Variants in NEMP2 observed in about 807,000 individuals in gnomAD.
The protein encoded by NEMP2 is UPF0571 transmembrane protein.
In NEMP2, 53 loss-of-function variants were observed where a neutral mutation model predicts 54.2. That is an observed-to-expected ratio of 0.98 (90% confidence interval 0.78 to 1.23). The LOEUF (loss-of-function observed/expected upper bound fraction) is 1.23. Ranked by LOEUF, NEMP2 falls within the 50% of genes most tolerant of loss-of-function variation. NEMP2 has a pLI of 0.00. For synonymous variants in NEMP2, 197 were observed against 190.3 expected (o/e 1.04, Z -0.29); for missense variants, 455 against 511.3 (o/e 0.89, Z 1.06).
chr2:190,488,005 C>T, the NEMP2 span, among the ~76,000 whole-genome samples: 21 of 152,112 alleles, frequency 1.4e-4, no homozygotes, highest in African/African-American at 3.9e-4. This position sits in a 1 kb window ranked among gnomAD's most constrained non-coding sequence, Gnocchi z 6.4. Flanking sequence ...TGGGTTCAAA[C>T]GATTCCACTG....
the NEMP2 span, among the ~76,000 whole-genome samples, chr2:190,428,259 G>T: frequency 9.9e-5 from 15 of 152,174 alleles, 1 homozygote; most frequent in Admixed American, 9.8e-4. Context: ...TAGACAGGTT[G>T]CTCCCAGTTT....
the NEMP2 span, among the ~76,000 whole-genome samples, chr2:190,572,833 G>GTGTATGTA: frequency 6.3e-5 from 3 of 47,862 alleles, no homozygotes; most frequent in African/African-American, 2.6e-4. Flanking sequence ...CTTTTCATGA[G>GTGTATGTA]TATATATATA....
At chr2:190,621,123 A>G in the NEMP2 span, among the ~76,000 whole-genome samples, 4 of 152,394 alleles carry the variant, frequency 2.6e-5, no homozygotes, top group East Asian at 3.8e-4. Flanking sequence ...ACATATAGTC[A>G]TAAGTTGTTT....
the NEMP2 span, among the ~76,000 whole-genome samples, chr2:190,454,932 GTATGTA>G: frequency 0.098 from 13,018 of 132,794 alleles, 709 homozygotes; most frequent in African/African-American, 0.14. The surrounding 1 kb of genome is among the most constrained non-coding windows in gnomAD (Gnocchi z 4.6). Context: ...CCTGGTTTCT[GTATGTA>G]TATGTATATG....
chr2:190,626,381 T>C, the NEMP2 span: 7 of 151,994 alleles, frequency 4.6e-5, no homozygotes, highest in African/African-American at 1.7e-4. This position sits in a 1 kb window ranked among gnomAD's most constrained non-coding sequence, Gnocchi z 4.5. Flanking sequence ...GAATAACAAA[T>C]GGAATGAAAC....
the NEMP2 span, among the ~76,000 whole-genome samples, chr2:190,604,230 C>T: frequency 6.6e-6 from 1 of 152,128 alleles, no homozygotes; most frequent in African/African-American, 2.4e-5. The surrounding 1 kb of genome is among the most constrained non-coding windows in gnomAD (Gnocchi z 4.5). Flanking sequence ...AAAACCAACC[C>T]GAACAGTACA....
chr2:190,449,581 C>G, the NEMP2 span, among the ~76,000 whole-genome samples: 1 of 152,240 alleles, frequency 6.6e-6, no homozygotes, highest in Non-Finnish European at 1.5e-5. Context: ...TTTATTGCGG[C>G]ACTATTCACA....
chr2:190,483,862 C>T, the NEMP2 span, among the ~76,000 whole-genome samples: 2 of 141,446 alleles, frequency 1.4e-5, no homozygotes, highest in East Asian at 4.2e-4. Flanking sequence ...AAAAAGTTAA[C>T]GAAAACAATT....
the NEMP2 span, among the ~76,000 whole-genome samples, chr2:190,451,158 T>C: frequency 6.6e-6 from 1 of 152,222 alleles, no homozygotes; most frequent in Admixed American, 6.5e-5. The surrounding 1 kb of genome is among the most constrained non-coding windows in gnomAD (Gnocchi z 5.0). Flanking sequence ...TGTATGTGTG[T>C]GTATATGTAC....
chr2:190,537,027 A>G (rs1052823210), upstream of NEMP2, among the ~76,000 whole-genome samples: 1 of 152,234 alleles, frequency 6.6e-6, no homozygotes, highest in Non-Finnish European at 1.5e-5. Context: ...AGAAAAAATC[A>G]AGAGGTAAAA....
At chr2:190,475,009 C>G in the NEMP2 span, among the ~76,000 whole-genome samples, 3 of 152,168 alleles carry the variant, frequency 2.0e-5, no homozygotes, top group Non-Finnish European at 4.4e-5. Flanking sequence ...TTGCAAAATT[C>G]AACAACCCTT....
At chr2:190,586,803 G>T in the NEMP2 span, among the ~76,000 whole-genome samples, 9 of 152,206 alleles carry the variant, frequency 5.9e-5, no homozygotes, top group South Asian at 1.0e-3. The surrounding 1 kb of genome is among the most constrained non-coding windows in gnomAD (Gnocchi z 4.5). Flanking sequence ...GTTAAAAATA[G>T]TAAAAGGAAC....
At chr2:190,588,692 T>C in the NEMP2 span, among the ~76,000 whole-genome samples, 121 of 152,298 alleles carry the variant, frequency 7.9e-4, no homozygotes, top group Non-Finnish European at 1.4e-3. This position sits in a 1 kb window ranked among gnomAD's most constrained non-coding sequence, Gnocchi z 5.0. Flanking sequence ...TTGATGCTTG[T>C]ACTTGCCTGT....
intron 2 of NEMP2, among the ~76,000 whole-genome samples, chr2:190,524,866 T>C (rs1266246848): frequency 6.6e-6 from 1 of 152,236 alleles, no homozygotes; most frequent in Non-Finnish European, 1.5e-5. Flanking sequence ...AGGAAAGTAC[T>C]AGGCAATTAA....
At chr2:190,486,367 G>C in the NEMP2 span, among the ~76,000 whole-genome samples, 1 of 152,346 alleles carries the variant, frequency 6.6e-6, no homozygotes, top group East Asian at 1.9e-4. Context: ...TACGTTAGGG[G>C]AGCCCTCTAT....
chr2:190,617,607 A>G, the NEMP2 span, among the ~76,000 whole-genome samples: 1 of 152,144 alleles, frequency 6.6e-6, no homozygotes, highest in Non-Finnish European at 1.5e-5. The surrounding 1 kb of genome is among the most constrained non-coding windows in gnomAD (Gnocchi z 5.0). Flanking sequence ...TTTGAGTGTC[A>G]TTTTCATTTC....
At chr2:190,475,551 GA>G in the NEMP2 span, among the ~76,000 whole-genome samples, 8 of 152,140 alleles carry the variant, frequency 5.3e-5, no homozygotes, top group African/African-American at 1.9e-4. Context: ...ACTGCTCAAT[GA>G]AATAAAAGAG....
the NEMP2 span, chr2:190,628,113 A>C: frequency 6.6e-6 from 1 of 152,378 alleles, no homozygotes; most frequent in Non-Finnish European, 1.5e-5. The surrounding 1 kb of genome is among the most constrained non-coding windows in gnomAD (Gnocchi z 4.1). Context: ...CATCATTAAA[A>C]TAATAGAATC....
At chr2:190,579,717 A>G in the NEMP2 span, among the ~76,000 whole-genome samples, 1 of 152,204 alleles carries the variant, frequency 6.6e-6, no homozygotes, top group East Asian at 1.9e-4. Flanking sequence ...AAACAAACTA[A>G]ATATAGAGAA....
Sources: gnomAD v4.1 joint callset for allele counts (sites outside exome capture counted in the v4.1 genomes callset) on GRCh38, gnomAD v4.1.1 for gene constraint, Gnocchi (gnomAD v3.1) non-coding constraint, MANE v1.5 for transcripts, NCBI Gene and HGNC (gene_info 2026-07-23, HGNC 2026-07-21) for gene names.